Variants in RELN observed in about 807,000 individuals in gnomAD.
RELN encodes the protein reelin.
Under a neutral mutation model 427.6 loss-of-function variants are expected in RELN, and 108 were observed. The ratio of observed to expected loss-of-function variants is 0.25; its 90% CI spans 0.22 to 0.30. The LOEUF (loss-of-function observed/expected upper bound fraction) is 0.30, where lower values mean the gene tolerates loss of function less well. RELN is among the 10% of genes least tolerant of loss of function. The pLI is 1.00. For missense variants in RELN, 3,715 were observed against 4,302.8 expected (o/e 0.86, Z 3.82); for synonymous variants, 1,524 against 1,513.4 (o/e 1.01, Z -0.16).
At chr7:103,527,642 A>T (rs1829851942) in intron 46 of RELN, among the ~76,000 whole-genome samples, 1 of 151,958 alleles carries the variant, frequency 6.6e-6, no homozygotes, top group African/African-American at 2.4e-5. Context: ...TGAGCAACAG[A>T]CTCTGTGATG....
At chr7:103,744,385 C>G (rs1016877261) in intron 6 of RELN, among the ~76,000 whole-genome samples, 1 of 151,918 alleles carries the variant, frequency 6.6e-6, no homozygotes, top group African/African-American at 2.4e-5. Flanking sequence ...CATTCAAAAG[C>G]TAGCAGAAGG....
intron 51 of RELN, among the ~76,000 whole-genome samples, chr7:103,507,173 C>G (rs1318195413): frequency 1.3e-5 from 2 of 152,142 alleles, no homozygotes; most frequent in East Asian, 1.9e-4. Context: ...ACCTCTGGAC[C>G]AAGCGGACCT....
At chr7:103,855,440 A>G (rs984607966) in intron 2 of RELN, among the ~76,000 whole-genome samples, 8 of 152,242 alleles carry the variant, frequency 5.3e-5, no homozygotes, top group African/African-American at 1.9e-4. Context: ...GGCATCTAAA[A>G]TGGATGGGTG....
chr7:103,733,950 T>A (rs1252139591), intron 6 of RELN, among the ~76,000 whole-genome samples: 1 of 151,166 alleles, frequency 6.6e-6, no homozygotes, highest in Non-Finnish European at 1.5e-5. Context: ...TAAAAAAAAA[T>A]GTTCTCTATA....
At chr7:103,812,118 C>T (rs553811745) in intron 3 of RELN, among the ~76,000 whole-genome samples, 77 of 152,110 alleles carry the variant, frequency 5.1e-4, no homozygotes, top group Non-Finnish European at 8.5e-4. Flanking sequence ...TTTCACTAAC[C>T]GAGACGACTT....
In RELN at chr7:103,852,315, C is replaced by T. The variant is rs556496575; in HGVS notation, c.338-18643G>A. Reference sequence around the variant, plus strand: ...TTTTTTTACAACAGTCAAAGAAAAACTGTAATGAATGTAAGCTGTATAGTA... The same window carrying T: ...TTTTTTTACAACAGTCAAAGAAAAATTGTAATGAATGTAAGCTGTATAGTA... On this transcript the variant is annotated intron_variant, in intron 2 of 64. Transcript: ENST00000428762. Among the ~76,000 whole-genome samples, 10 of 152,092 alleles carry T rather than the reference C, an allele frequency of 6.6e-5. No homozygotes were observed. In the East Asian group the frequency reaches 1.7e-3, roughly 26 times the overall value.
At chr7:103,872,048 TTTTC>T (rs1319864949) in intron 2 of RELN, among the ~76,000 whole-genome samples, 2 of 109,266 alleles carry the variant, frequency 1.8e-5, no homozygotes, top group East Asian at 4.4e-4. Flanking sequence ...TTTTTCTTTT[TTTTC>T]TTTTTTTATT....
rs1830929134 is a variant in RELN at position 103,573,462 on chromosome 7, T to C, written c.4511+630A>G. ...CAATGCAGATGGAAAGGGAAGGAAA[T>C]TGAAGGAAGGAAAAATATGACACAG... On this transcript the variant is annotated intron_variant, in intron 30 of 64. Coordinates refer to ENST00000428762, the MANE Select transcript of RELN (RefSeq NM_005045.4). The surrounding 1 kb of genome is among the most constrained non-coding windows in gnomAD (Gnocchi z 4.4). Among the ~76,000 whole-genome samples, 1 of 152,010 alleles carries C rather than the reference T, an allele frequency of 6.6e-6. No individual in the cohort carries two copies. Among genetic ancestry groups the C allele is most frequent in the African/African-American group, 2.4e-5 (1 of 41,388 alleles).
chr7:103,648,956 G>A (rs941008340), intron 16 of RELN, among the ~76,000 whole-genome samples: 2 of 151,942 alleles, frequency 1.3e-5, no homozygotes, highest in African/African-American at 4.8e-5. Flanking sequence ...GTGAGGACGT[G>A]GGGGAAAAGG....
In RELN at chr7:103,622,493, C is replaced by T. The variant is rs117025871; in HGVS notation, c.2702+7447G>A. Among the ~76,000 whole-genome samples, 116 of 152,316 alleles carry T rather than the reference C, an allele frequency of 7.6e-4. No individual in the cohort carries two copies. In the South Asian group the frequency reaches 0.012, roughly 16 times the overall value. ...TATTTTTTAAACATAAGGAAGATTA[C>T]ATCACTCCCCTGCTCCAAATTATTT... On this transcript the variant is annotated intron_variant, in intron 20 of 64. Transcript: ENST00000428762.
chr7:103,494,533 C>G lies in RELN; in HGVS notation c.9369+1190G>C, dbSNP rs565991842. ...AGGACTACAAGTACATGCCACCACGCCCAGCTAATTTTTTTTTTTTTTTTT... is the reference window on the plus strand; with the variant it reads ...AGGACTACAAGTACATGCCACCACGGCCAGCTAATTTTTTTTTTTTTTTTT... On this transcript the variant is annotated intron_variant, in intron 57 of 64. Transcript: ENST00000428762. 3.3e-3 allele frequency among the ~76,000 whole-genome samples: 417 copies of G among 124,816 alleles called. 1 individual carries two copies. Among genetic ancestry groups the G allele is most frequent in the African/African-American group, 0.013 (406 of 31,658 alleles). 81.9% of individuals were successfully genotyped at this position (124,816 alleles called of 152,430 possible).
chr7:103,511,913 A>G (rs983081870), intron 50 of RELN, among the ~76,000 whole-genome samples: 1 of 152,202 alleles, frequency 6.6e-6, no homozygotes, highest in African/African-American at 2.4e-5. Context: ...CCATGATACT[A>G]TCACCACAAG....
chr7:103,885,476 C>G (rs986061924), intron 2 of RELN, among the ~76,000 whole-genome samples: 1 of 152,146 alleles, frequency 6.6e-6, no homozygotes, highest in African/African-American at 2.4e-5. Context: ...TCTCAGCAAA[C>G]TAACACAGGA....
intron 28 of RELN, among the ~76,000 whole-genome samples, chr7:103,586,939 T>C (rs1831287375): frequency 6.6e-6 from 1 of 152,156 alleles, no homozygotes; most frequent in Admixed American, 6.5e-5. Flanking sequence ...ATCAATATTG[T>C]TAAAATTACC....
chr7:103,719,753 G>C (rs1282825754), intron 8 of RELN, among the ~76,000 whole-genome samples: 1 of 152,196 alleles, frequency 6.6e-6, no homozygotes, highest in Non-Finnish European at 1.5e-5. Context: ...TCTAAAGGAA[G>C]TGGGCAAATG....
chr7:103,499,526 A>G (rs959052737), intron 53 of RELN, among the ~76,000 whole-genome samples: 1 of 152,152 alleles, frequency 6.6e-6, no homozygotes, highest in East Asian at 1.9e-4. Flanking sequence ...AGAAAAACCT[A>G]TATTTTTTCA....
chr7:103,755,692 T>C lies in RELN; in HGVS notation c.545-2478A>G, dbSNP rs1419061523. On this transcript the variant is annotated intron_variant, in intron 4 of 64. Transcript: ENST00000428762. ...TTAGCCAGGTGTGGTGGCGGGTGCCTGTAGTCCCAGCTACTCAGGAGGCTG... is the reference window on the plus strand; with the variant it reads ...TTAGCCAGGTGTGGTGGCGGGTGCCCGTAGTCCCAGCTACTCAGGAGGCTG... 3.3e-5 allele frequency among the ~76,000 whole-genome samples: 5 copies of C among 150,130 alleles called. No homozygotes were observed. The East Asian group carries it at 9.7e-4, about 29-fold the overall frequency.
chr7:103,880,675 T>A (rs1424416891), intron 2 of RELN, among the ~76,000 whole-genome samples: 1 of 152,182 alleles, frequency 6.6e-6, no homozygotes, highest in African/African-American at 2.4e-5. Flanking sequence ...TAATAAGCAC[T>A]TAATAATGTA....
At chr7:103,842,852 C>A (rs968604965) in intron 2 of RELN, among the ~76,000 whole-genome samples, 2 of 152,116 alleles carry the variant, frequency 1.3e-5, no homozygotes, top group South Asian at 4.2e-4. Flanking sequence ...TGATTCTTTC[C>A]TTACTCAGTG....
Sources: allele counts gnomAD v4.1 joint callset (sites outside exome capture counted in the v4.1 genomes callset), GRCh38; gene constraint gnomAD v4.1.1; non-coding constraint Gnocchi (gnomAD v3.1); transcripts MANE v1.5; gene names NCBI Gene and HGNC (gene_info 2026-07-23, HGNC 2026-07-21).